The following LRFN5 variants were observed in gnomAD, a reference collection of about 807,000 sequenced individuals.
The protein encoded by LRFN5 is leucine rich repeat and fibronectin type III domain containing 5.
A neutral mutation model predicts 45.6 loss-of-function variants in LRFN5; 24 were observed. The ratio of observed to expected loss-of-function variants is 0.53; its 90% CI spans 0.38 to 0.74. The LOEUF (loss-of-function observed/expected upper bound fraction) is 0.74. Ranked by LOEUF, LRFN5 falls within the 30% of genes least tolerant of loss-of-function variation. The pLI is 0.00. For missense variants in LRFN5, 776 were observed against 861.5 expected (o/e 0.90, Z 1.24); for synonymous variants, 340 against 313.8 (o/e 1.08, Z -0.88).
intron 1 of LRFN5, among the ~76,000 whole-genome samples, chr14:41,623,134 G>A (rs998540002): frequency 3.4e-4 from 52 of 151,998 alleles, no homozygotes; most frequent in African/African-American, 1.2e-3. Flanking sequence ...CCTCTAAAGG[G>A]TCATTGCTTT....
chr14:41,662,813 A>T (rs191776457), intron 1 of LRFN5, among the ~76,000 whole-genome samples: 2 of 152,186 alleles, frequency 1.3e-5, no homozygotes, highest in East Asian at 3.9e-4. Context: ...TCCACAACTG[A>T]CTAACCTGCA....
intron 1 of LRFN5, among the ~76,000 whole-genome samples, chr14:41,660,467 A>G (rs1880595847): frequency 6.6e-6 from 1 of 152,246 alleles, no homozygotes; most frequent in South Asian, 2.1e-4. Flanking sequence ...ATTTACAATT[A>G]CTAATATTAG....
chr14:41,703,260 C>T (rs749251317), intron 1 of LRFN5, among the ~76,000 whole-genome samples: 33 of 152,094 alleles, frequency 2.2e-4, no homozygotes, highest in Non-Finnish European at 4.4e-5. Context: ...ATTTACATAG[C>T]ATGTGCATAT....
At chr14:41,756,432 A>G (rs970154710) in intron 1 of LRFN5, among the ~76,000 whole-genome samples, 1 of 152,148 alleles carries the variant, frequency 6.6e-6, no homozygotes, top group Non-Finnish European at 1.5e-5. Context: ...CTTTTCACAT[A>G]GTCCCATATT....
intron 1 of LRFN5, among the ~76,000 whole-genome samples, chr14:41,764,786 GTGCAGAATACATATATATGATTATATA>G (rs67034594): frequency 0.56 from 67,007 of 119,604 alleles, 23,111 homozygotes; most frequent in East Asian, 0.87. Context: ...ACTAACATGT[GTGCAGAATACATATATATGATTATATA>G]TGCAGAATAC....
intron 2 of LRFN5, among the ~76,000 whole-genome samples, chr14:41,856,747 G>A (rs1400917476): frequency 5.3e-4 from 68 of 129,336 alleles, no homozygotes; most frequent in African/African-American, 1.7e-3. Context: ...CGCGATCTCC[G>A]CTCACTGCAA....
intron 4 of LRFN5, chr14:41,893,563 G>A: frequency 1.0e-6 from 1 of 985,200 alleles, no homozygotes; most frequent in East Asian, 1.1e-4. Flanking sequence ...TTTCAGATCA[G>A]TTGAAATACC....
At chr14:41,656,927 AT>A (rs1880406732) in intron 1 of LRFN5, among the ~76,000 whole-genome samples, 1 of 151,962 alleles carries the variant, frequency 6.6e-6, no homozygotes, top group South Asian at 2.1e-4. Context: ...TTTTTATATC[AT>A]TTTACCACTC....
chr14:41,620,706 G>A (rs1888099445), intron 1 of LRFN5, among the ~76,000 whole-genome samples: 1 of 151,708 alleles, frequency 6.6e-6, no homozygotes, highest in Non-Finnish European at 1.5e-5. Context: ...CAAAATAAAT[G>A]GACAAATGAA....
At chr14:41,845,782 A>G (rs937424512) in intron 2 of LRFN5, among the ~76,000 whole-genome samples, 2 of 152,204 alleles carry the variant, frequency 1.3e-5, no homozygotes, top group African/African-American at 2.4e-5. Flanking sequence ...GCTCATATGC[A>G]TATAGCTAAC....
Position 41,654,456 on chromosome 14 carries a change from A to T in LRFN5, c.-197+45894A>T, listed in dbSNP as rs1305157732. Among the ~76,000 whole-genome samples the T allele has an allele frequency of 4.6e-5, 7 of 152,124 alleles. No individual in the cohort carries two copies. In the East Asian group the frequency reaches 1.2e-3, roughly 25 times the overall value. On this transcript the variant is annotated intron_variant, in intron 1 of 5. Transcript: ENST00000298119. ...TTTTTAATATGTACATATTAAATCCATAGGAAACTGGAAGAAATCACATAG... is the reference window on the plus strand; with the variant it reads ...TTTTTAATATGTACATATTAAATCCTTAGGAAACTGGAAGAAATCACATAG...
intron 2 of LRFN5, among the ~76,000 whole-genome samples, chr14:41,798,738 A>G (rs773764414): frequency 2.6e-5 from 4 of 151,900 alleles, no homozygotes; most frequent in Non-Finnish European, 5.9e-5. Flanking sequence ...TTGTATAGTA[A>G]TCTTTTGCAA....
chr14:41,625,167 T>G (rs1445904460), intron 1 of LRFN5, among the ~76,000 whole-genome samples: 1 of 152,116 alleles, frequency 6.6e-6, no homozygotes, highest in Non-Finnish European at 1.5e-5. Context: ...CATATAGTAC[T>G]CTGTGTTGTA....
intron 1 of LRFN5, among the ~76,000 whole-genome samples, chr14:41,741,052 T>A (rs1011859733): frequency 6.7e-6 from 1 of 149,014 alleles, no homozygotes; most frequent in Non-Finnish European, 1.5e-5. Flanking sequence ...ATGAAAACTA[T>A]AATAGGTGAA....
At chr14:41,805,676 AC>A (rs1175611153) in intron 2 of LRFN5, among the ~76,000 whole-genome samples, 1 of 151,538 alleles carries the variant, frequency 6.6e-6, no homozygotes, top group Non-Finnish European at 1.5e-5. Flanking sequence ...CTTTGTAGGG[AC>A]ATGGATGAAA....
intron 1 of LRFN5, among the ~76,000 whole-genome samples, chr14:41,712,126 T>C (rs1175477952): frequency 6.6e-6 from 1 of 152,130 alleles, no homozygotes; most frequent in Non-Finnish European, 1.5e-5. Flanking sequence ...CAAGAAAGAC[T>C]GAGACACATG....
intron 2 of LRFN5, among the ~76,000 whole-genome samples, chr14:41,880,961 A>G (rs1050883858): frequency 6.6e-6 from 1 of 152,148 alleles, no homozygotes; most frequent in Non-Finnish European, 1.5e-5. Flanking sequence ...TTAATGACAT[A>G]TCTTTTTCAG....
intron 1 of LRFN5, among the ~76,000 whole-genome samples, chr14:41,659,963 T>C (rs1245592123): frequency 6.6e-6 from 1 of 151,704 alleles, no homozygotes; most frequent in Non-Finnish European, 1.5e-5. Context: ...GTCAGATAGA[T>C]AGATTGCAGA....
chr14:41,650,904 G>C (rs79024447), intron 1 of LRFN5, among the ~76,000 whole-genome samples: 1 of 107,914 alleles, frequency 9.3e-6, no homozygotes, highest in Non-Finnish European at 2.0e-5. Context: ...AGAGAGGGAG[G>C]GAGGGAGGGA....
Sources: gnomAD v4.1 joint callset for allele counts (sites outside exome capture counted in the v4.1 genomes callset) on GRCh38, gnomAD v4.1.1 for gene constraint, MANE v1.5 for transcripts, NCBI Gene and HGNC (gene_info 2026-07-23, HGNC 2026-07-21) for gene names.